The following ASB14 variants were observed in gnomAD, a reference collection of about 807,000 sequenced individuals.
The protein encoded by ASB14 is ankyrin repeat and SOCS box protein 14.
A neutral mutation model predicts 55.6 loss-of-function variants in ASB14; 63 were observed. The observed-to-expected ratio is 1.13, with a 90% CI of 0.92 to 1.40. ASB14 has a LOEUF of 1.40. Ranked by LOEUF, ASB14 falls within the 40% of genes most tolerant of loss-of-function variation. The pLI, the probability that ASB14 is intolerant of heterozygous loss-of-function variation, is 0.00. For missense variants in ASB14, 724 were observed against 710.4 expected (o/e 1.02, Z -0.22); for synonymous variants, 256 against 259.9 (o/e 0.98, Z 0.15).
At chr3:57,279,386 TAA>T (rs1230260937) in intron 7 of ASB14, among the ~76,000 whole-genome samples, 1 of 145,516 alleles carries the variant, frequency 6.9e-6, no homozygotes, top group Non-Finnish European at 1.5e-5. Context: ...GCAATTCTCC[TAA>T]GAGTTTCTCA....
chr3:57,289,842 T>C (rs1579439445), intron 2 of ASB14, among the ~76,000 whole-genome samples: 1 of 151,418 alleles, frequency 6.6e-6, no homozygotes, highest in African/African-American at 2.4e-5. Context: ...AGAGATGGGG[T>C]TTTACTGTGT....
intron 10 of ASB14, chr3:57,270,191 T>TTA (rs1333713647): frequency 2.6e-5 from 4 of 152,720 alleles, no homozygotes; most frequent in Admixed American, 6.5e-5. Context: ...AATAGAACTT[T>TTA]TATAAAATAA....
At chr3:57,271,173 G>C (rs2060936134) in intron 10 of ASB14, 1 of 151,376 alleles carries the variant, frequency 6.6e-6, no homozygotes, top group African/African-American at 2.4e-5. Flanking sequence ...TCTTAGTTCT[G>C]CATTAGAAAT....
intron 10 of ASB14, chr3:57,273,564 A>G (rs1008683219): frequency 6.6e-6 from 1 of 152,628 alleles, no homozygotes; most frequent in Non-Finnish European, 1.5e-5. Flanking sequence ...TAAATTATAC[A>G]GCTAGCCCAA....
intron 2 of ASB14, among the ~76,000 whole-genome samples, chr3:57,290,396 CCT>C (rs1414576968): frequency 6.6e-6 from 1 of 152,198 alleles, no homozygotes; most frequent in Non-Finnish European, 1.5e-5. Flanking sequence ...CCTGGCTCCC[CCT>C]CTTTCACACT....
intron 2 of ASB14, among the ~76,000 whole-genome samples, chr3:57,290,554 A>T (rs1361881893): frequency 6.6e-6 from 1 of 152,176 alleles, no homozygotes; most frequent in Non-Finnish European, 1.5e-5. Flanking sequence ...ACATCTTTGG[A>T]TGGGACCATT....
chr3:57,272,391 A>G (rs1342244149), intron 10 of ASB14: 3 of 152,158 alleles, frequency 2.0e-5, no homozygotes, highest in East Asian at 1.9e-4. Flanking sequence ...AGGCTCTACA[A>G]TCTAGGGGTG....
intron 9 of ASB14, among the ~76,000 whole-genome samples, chr3:57,277,493 T>G (rs2060999421): frequency 6.6e-6 from 1 of 152,200 alleles, no homozygotes; most frequent in African/African-American, 2.4e-5. Context: ...TTCATTCCGG[T>G]GTCCATGGTG....
chr3:57,269,426 G>A lies in ASB14; in HGVS notation c.*215C>T. 9.8e-7 allele frequency: 1 copy of A among 1,021,250 alleles called. No individual in the cohort carries two copies. The highest frequency in any genetic ancestry group is 1.4e-6 in the Non-Finnish European group (1 of 720,710). The allele number at this position is 1,021,250 out of a possible 1,614,324, so 63.3% of individuals were successfully genotyped here. A position where few individuals can be genotyped will look rare whatever the true frequency, so the allele number is the denominator to read the frequency against. ...TTTTCTTTTTATCAAGTTGTCAGAA[G>A]TATGCATACATATTTATGACAGAAG... On this transcript the variant is annotated 3_prime_UTR_variant, in exon 11 of 11. Transcript: ENST00000487349.
At chr3:57,285,850 C>T (rs2061077232) in intron 5 of ASB14, among the ~76,000 whole-genome samples, 1 of 152,082 alleles carries the variant, frequency 6.6e-6, no homozygotes, top group South Asian at 2.1e-4. Flanking sequence ...TCGTTATTCC[C>T]CTCATCTTAG....
At chr3:57,284,647 A>C (rs2061066356) in intron 5 of ASB14, among the ~76,000 whole-genome samples, 1 of 152,226 alleles carries the variant, frequency 6.6e-6, no homozygotes, top group Admixed American at 6.5e-5. Flanking sequence ...CCGTTGTTAC[A>C]ACAGGCTTCA....
intron 6 of ASB14, among the ~76,000 whole-genome samples, chr3:57,282,093 T>C (rs56281059): frequency 0.013 from 2,038 of 152,330 alleles, 24 homozygotes; most frequent in Admixed American, 0.029. Context: ...ATGTTTATTT[T>C]TGTTATTCCA....
chr3:57,283,228 T>C lies in ASB14; in HGVS notation c.681A>G (p.Gly227=). 6.4e-7 allele frequency: 1 copy of C among 1,552,190 alleles called. No individual in the cohort carries two copies. The highest frequency in any genetic ancestry group is 8.7e-7 in the Non-Finnish European group (1 of 1,147,048). The change falls in exon 6 of 11, where the codon GGA becomes GGG. Residue 227 remains glycine (G), a synonymous_variant. Coordinates refer to ENST00000487349, the MANE Select transcript of ASB14 (RefSeq NM_001142733.3). ...GTAACATTTCCATGATTTCAGTGTG[T>C]CCACTTTGGGCAGCAAGAGCAAGAG... ...FTPLALAAQS[G]HTEIMEMLLR... is the part of the protein sequence containing the mutation.
At chr3:57,272,977 A>G (rs1461764217) in intron 10 of ASB14, 1 of 152,630 alleles carries the variant, frequency 6.6e-6, no homozygotes, top group Non-Finnish European at 1.5e-5. Flanking sequence ...AAACACACCA[A>G]TTGTAGAAAG....
At position 57,276,579 on chromosome 3, in the gene ASB14, C is replaced by A. The variant is rs1179241804; in HGVS notation, c.1735G>T (p.Gly579Ter). 6.2e-7 allele frequency: 1 copy of A among 1,611,118 alleles called. No individual in the cohort carries two copies. The highest frequency in any genetic ancestry group is 8.5e-7 in the Non-Finnish European group (1 of 1,178,876). The part of the protein sequence containing the change: ...YVLYKEYDLY[G>*]QGIFTGTW ...CAGGTTCCTGTAAAAATTCCTTGTC[C>A]ATAAAGGTCGTATTCTTTGTAAAGG... Residue 579 changes from glycine (G) to a stop codon, truncating the protein, a stop_gained, in exon 10 of 11, where the codon GGA becomes TGA. Transcript: ENST00000487349. LOFTEE classifies it high-confidence loss of function.
chr3:57,280,786 C>CTA (rs1407343756), intron 6 of ASB14, among the ~76,000 whole-genome samples: 1 of 152,034 alleles, frequency 6.6e-6, no homozygotes, highest in African/African-American at 2.4e-5. Flanking sequence ...CTAGACCAGC[C>CTA]TATAAAAGCC....
chr3:57,276,368 CT>C (rs1327155349), intron 10 of ASB14, among the ~76,000 whole-genome samples, 159 bp downstream of exon 10: 2 of 151,954 alleles, frequency 1.3e-5, no homozygotes, highest in African/African-American at 4.8e-5. Flanking sequence ...TCACTGCAGC[CT>C]TGACCTCCCA....
chr3:57,281,326 A>AGGGCTGGGGCTGTAAGGG (rs2061038817), intron 6 of ASB14, among the ~76,000 whole-genome samples: 1 of 147,200 alleles, frequency 6.8e-6, no homozygotes, highest in Admixed American at 6.7e-5. Flanking sequence ...TAGAAGATCT[A>AGGGCTGGGGCTGTAAGGG]GGGCTGGGGT....
At chr3:57,270,572 A>G (rs1455744407) in intron 10 of ASB14, 1 of 152,674 alleles carries the variant, frequency 6.5e-6, no homozygotes, top group African/African-American at 2.4e-5. Flanking sequence ...GTCAAGTGAC[A>G]TTTCAAAAGA....
Sources: gnomAD v4.1 joint callset for allele counts (sites outside exome capture counted in the v4.1 genomes callset) on GRCh38, gnomAD v4.1.1 for gene constraint, MANE v1.5 for transcripts, NCBI Gene and HGNC (gene_info 2026-07-23, HGNC 2026-07-21) for gene names.